Variants in DNAJC10 observed in about 807,000 individuals in gnomAD.
DNAJC10 encodes endoplasmic reticulum disulfide reductase DNAJC10.
Under a neutral mutation model 115.0 loss-of-function variants are expected in DNAJC10, and 101 were observed. The ratio of observed to expected loss-of-function variants is 0.88; its 90% CI spans 0.75 to 1.04. The LOEUF (loss-of-function observed/expected upper bound fraction) is 1.04. Ranked by LOEUF, DNAJC10 falls within the 50% of genes least tolerant of loss-of-function variation. The probability of loss-of-function intolerance (pLI) is 0.00; values close to 1 mark genes in which losing one functional copy is unlikely to be tolerated. For missense variants in DNAJC10, 981 were observed against 928.8 expected (o/e 1.06, Z -0.73); for synonymous variants, 307 against 301.5 (o/e 1.02, Z -0.19).
At chr2:182,738,829 C>T (rs550738815) in intron 11 of DNAJC10, among the ~76,000 whole-genome samples, 15 of 152,216 alleles carry the variant, frequency 9.9e-5, no homozygotes, top group Admixed American at 2.6e-4. Flanking sequence ...CGTGAGCCAC[C>T]GCACCTGGCC....
chr2:182,763,504 T>C (rs1694337330), intron 22 of DNAJC10, among the ~76,000 whole-genome samples: 1 of 152,042 alleles, frequency 6.6e-6, no homozygotes, highest in African/African-American at 2.4e-5. Flanking sequence ...AAACATCCAC[T>C]AGATGGCTTG....
At chr2:182,748,368 T>C (rs1295561057) in intron 14 of DNAJC10, among the ~76,000 whole-genome samples, 1 of 152,152 alleles carries the variant, frequency 6.6e-6, no homozygotes, top group African/African-American at 2.4e-5. Context: ...CCTGGACTCT[T>C]TTTGTTTGGT....
chr2:182,774,866 C>T (rs1259861551), intron 22 of DNAJC10, among the ~76,000 whole-genome samples: 1 of 152,236 alleles, frequency 6.6e-6, no homozygotes, highest in Non-Finnish European at 1.5e-5. Flanking sequence ...GTGGGCTGCA[C>T]CCACTGTCCA....
At chr2:182,767,205 G>A (rs534551794) in intron 22 of DNAJC10, among the ~76,000 whole-genome samples, 5 of 152,180 alleles carry the variant, frequency 3.3e-5, no homozygotes, top group East Asian at 3.9e-4. Flanking sequence ...AGAGCGTACC[G>A]GTGCCCAGGT....
intron 4 of DNAJC10, among the ~76,000 whole-genome samples, chr2:182,721,012 G>A (rs139714286): frequency 2.0e-3 from 305 of 151,814 alleles, no homozygotes; most frequent in African/African-American, 7.1e-3. Flanking sequence ...TAAACATGGA[G>A]GAAAAAATAA....
intron 18 of DNAJC10, among the ~76,000 whole-genome samples, chr2:182,756,764 T>A (rs1694167232): frequency 6.6e-6 from 1 of 151,984 alleles, no homozygotes; most frequent in Non-Finnish European, 1.5e-5. Context: ...TCAACCACCC[T>A]AGTAGCTGGG....
chr2:182,718,322 A>G (rs758961997), intron 3 of DNAJC10, 32 bp downstream of exon 3: 1 of 1,502,808 alleles, frequency 6.7e-7, no homozygotes, highest in Non-Finnish European at 9.0e-7. Flanking sequence ...AAAATATTTG[A>G]TTATATTTTT....
chr2:182,753,009 A>G (rs1484907692), intron 16 of DNAJC10, among the ~76,000 whole-genome samples: 1 of 152,238 alleles, frequency 6.6e-6, no homozygotes, highest in Non-Finnish European at 1.5e-5. Flanking sequence ...AACACTGACA[A>G]GATATCTGAT....
intron 22 of DNAJC10, among the ~76,000 whole-genome samples, chr2:182,765,453 C>T (rs1694386914): frequency 1.3e-5 from 2 of 152,114 alleles, no homozygotes; most frequent in South Asian, 4.1e-4. Flanking sequence ...TCCCACTTGG[C>T]AAAGGACAAG....
chr2:182,738,761 C>G (rs1199719488), intron 11 of DNAJC10, among the ~76,000 whole-genome samples: 1 of 152,054 alleles, frequency 6.6e-6, no homozygotes, highest in Admixed American at 6.6e-5. Context: ...AGGATGGTCT[C>G]GATCTCCTGA....
intron 17 of DNAJC10, among the ~76,000 whole-genome samples, chr2:182,755,495 A>G (rs992647357): frequency 4.1e-5 from 6 of 144,792 alleles, no homozygotes; most frequent in South Asian, 4.4e-4. Context: ...GGACTCCTAG[A>G]AAAAAAAAAA....
At chr2:182,776,307 T>G (rs1034320535) in intron 23 of DNAJC10, among the ~76,000 whole-genome samples, 1 of 152,230 alleles carries the variant, frequency 6.6e-6, no homozygotes, top group African/African-American at 2.4e-5. Flanking sequence ...CATATTTGTG[T>G]TGGCCCCTCT....
At chr2:182,734,535 T>A (rs963113572) in intron 10 of DNAJC10, among the ~76,000 whole-genome samples, 12 of 151,772 alleles carry the variant, frequency 7.9e-5, no homozygotes, top group African/African-American at 2.9e-4. Flanking sequence ...TGAAAATGAA[T>A]CCTGTAATTC....
Position 182,777,167 on chromosome 2 carries a change from T to C in DNAJC10, c.*35T>C. 1.5e-6 allele frequency: 2 copies of C among 1,315,560 alleles called. No homozygotes were observed. Among genetic ancestry groups the C allele is most frequent in the Non-Finnish European group, 2.1e-6 (2 of 968,818 alleles). The allele number at this position is 1,315,560 out of a possible 1,614,324, so 81.5% of individuals were successfully genotyped here. On this transcript the variant is annotated 3_prime_UTR_variant, in exon 24 of 24. Coordinates refer to ENST00000264065, the MANE Select transcript of DNAJC10 (RefSeq NM_018981.4). Reference sequence around the variant, plus strand: ...AGATGAAGAAAAAGTTTAAAAGAAATTCTGACAGATGACATCAGAAGACAC... The same window carrying C: ...AGATGAAGAAAAAGTTTAAAAGAAACTCTGACAGATGACATCAGAAGACAC...
rs1695024219 is a variant in DNAJC10, at chr2:182,790,185, GTCCTAT to G, written c.*13054_*13059del. ...TGTTTATAAGAAAAAGCTTTATTTA[GTCCTAT>G]ATTATTCTCTGATTATTCCATATGT... On this transcript the variant is annotated 3_prime_UTR_variant, in exon 24 of 24. Transcript: ENST00000264065. The G allele has an allele frequency of 6.6e-6, 1 of 152,096 alleles. No homozygotes were observed. Among genetic ancestry groups the G allele is most frequent in the Non-Finnish European group, 1.5e-5 (1 of 68,024 alleles). 9.4% of individuals were successfully genotyped at this position (152,096 alleles called of 1,614,324 possible).
rs933371425 is a variant in DNAJC10, at chr2:182,785,082, T to A, written c.*7950T>A. ...ATTTCGCATCCAAAAGTTTGTAATC[T>A]AGTGTAATAAATAGGACAGATACTC... On this transcript the variant is annotated 3_prime_UTR_variant, in exon 24 of 24. Transcript: ENST00000264065. The A allele has an allele frequency of 6.6e-6, 1 of 152,176 alleles. No homozygotes were observed. Among genetic ancestry groups the A allele is most frequent in the African/African-American group, 2.4e-5 (1 of 41,448 alleles). The allele number at this position is 152,176 out of a possible 1,614,324, so 9.4% of individuals were successfully genotyped here. A position where few individuals can be genotyped will look rare whatever the true frequency, so the allele number is the denominator to read the frequency against.
rs187728823 is a variant in DNAJC10 at position 182,788,706 on chromosome 2, A to G, written c.*11574A>G. 163 of 421,086 alleles carry G rather than the reference A, an allele frequency of 3.9e-4. No homozygotes were observed. Among genetic ancestry groups the G allele is most frequent in the African/African-American group, 2.8e-3 (133 of 48,266 alleles). 26.1% of individuals were successfully genotyped at this position (421,086 alleles called of 1,614,324 possible). A position where few individuals can be genotyped will look rare whatever the true frequency, so the allele number is the denominator to read the frequency against. ...TTATCCCACAGCACAAGTAACGTCT[A>G]TTTATCTCAGAGGAAATCCAGGGAA... On this transcript the variant is annotated 3_prime_UTR_variant, in exon 24 of 24. Transcript: ENST00000264065.
chr2:182,725,929 G>A (rs2105614988), intron 5 of DNAJC10, among the ~76,000 whole-genome samples: 1 of 152,226 alleles, frequency 6.6e-6, no homozygotes, highest in African/African-American at 2.4e-5. Context: ...GTAAATCAAG[G>A]AGTAATTTCA....
At chr2:182,736,017 G>C (rs1693575392) in intron 10 of DNAJC10, among the ~76,000 whole-genome samples, 1 of 151,944 alleles carries the variant, frequency 6.6e-6, no homozygotes, top group South Asian at 2.1e-4. Context: ...TCTACTATTA[G>C]GGAAAAACCA....
Sources: allele counts gnomAD v4.1 joint callset (sites outside exome capture counted in the v4.1 genomes callset), GRCh38; gene constraint gnomAD v4.1.1; transcripts MANE v1.5; gene names NCBI Gene and HGNC (gene_info 2026-07-23, HGNC 2026-07-21).